The following ANKRD44 variants were observed in gnomAD, a reference collection of about 807,000 sequenced individuals.
The protein encoded by ANKRD44 is ankyrin repeat domain 44, also known as serine/threonine-protein phosphatase 6 regulatory ankyrin repeat subunit B.
ANKRD44 carries 35 observed loss-of-function variants against 116.0 expected under a neutral mutation model. The ratio of observed to expected loss-of-function variants is 0.30; its 90% CI spans 0.23 to 0.40. The LOEUF (loss-of-function observed/expected upper bound fraction) is 0.40. Among genes scored for constraint, ANKRD44 ranks in the 10% least tolerant of loss-of-function variants. The pLI is 1.00. For synonymous variants in ANKRD44, 435 were observed against 461.8 expected (o/e 0.94, Z 0.74); for missense variants, 1,014 against 1,242.6 (o/e 0.82, Z 2.77).
intron 1 of ANKRD44, among the ~76,000 whole-genome samples, chr2:197,298,942 A>T (rs140647612): frequency 7.7e-4 from 117 of 152,184 alleles, no homozygotes; most frequent in African/African-American, 2.7e-3. Flanking sequence ...AGAGAGAGAA[A>T]ATGCTAGAGT....
intron 1 of ANKRD44, among the ~76,000 whole-genome samples, chr2:197,238,768 G>C (rs1239229535): frequency 6.6e-6 from 1 of 151,558 alleles, no homozygotes; most frequent in Admixed American, 6.6e-5. Flanking sequence ...GCAGTGGTAC[G>C]ATCTCAGCTC....
intron 25 of ANKRD44, among the ~76,000 whole-genome samples, chr2:196,997,556 T>A (rs1002166594): frequency 4.6e-5 from 7 of 151,572 alleles, no homozygotes; most frequent in African/African-American, 1.7e-4. Flanking sequence ...TTCAAACGAT[T>A]CTCCTGGCTC....
At chr2:197,211,484 A>G (rs560768965) in intron 1 of ANKRD44, among the ~76,000 whole-genome samples, 17 of 152,328 alleles carry the variant, frequency 1.1e-4, no homozygotes, top group South Asian at 8.3e-4. Flanking sequence ...CTTTCCCTAC[A>G]TGTCTGCCTG....
At chr2:197,142,024 G>A (rs1398091491) in intron 3 of ANKRD44, among the ~76,000 whole-genome samples, 2 of 152,206 alleles carry the variant, frequency 1.3e-5, no homozygotes, top group Non-Finnish European at 2.9e-5. Context: ...AAATGCTTTT[G>A]TACCCAAGGA....
At chr2:197,220,640 G>T (rs1480275133) in intron 1 of ANKRD44, among the ~76,000 whole-genome samples, 1 of 151,916 alleles carries the variant, frequency 6.6e-6, no homozygotes, top group Non-Finnish European at 1.5e-5. Context: ...TATATTTCTG[G>T]GGGAAAAAAA....
chr2:196,988,967 T>A lies in ANKRD44; in HGVS notation c.*624A>T. The A allele has an allele frequency of 1.0e-6, 1 of 985,454 alleles. No individual in the cohort carries two copies. The highest frequency in any genetic ancestry group is 1.2e-6 in the Non-Finnish European group (1 of 829,956). 61.0% of individuals were successfully genotyped at this position (985,454 alleles called of 1,614,324 possible). The stretch of plus-strand genomic sequence containing the variant: ...GCAGAAGGGCATCCAGACTGCAATG[T>A]CTTCTAAGCTCTAAGCTGGCTACAG... On this transcript the variant is annotated 3_prime_UTR_variant, in exon 28 of 28. Transcript: ENST00000282272.
chr2:196,988,809 C>A lies in ANKRD44; in HGVS notation c.*782G>T. ...TTATTTCTCCTTTTGGCACATGTGCCCACACACTGCCATCATTTCTCATCA... is the reference window on the plus strand; with the variant it reads ...TTATTTCTCCTTTTGGCACATGTGCACACACACTGCCATCATTTCTCATCA... On this transcript the variant is annotated 3_prime_UTR_variant, in exon 28 of 28. Coordinates refer to ENST00000282272, the MANE Select transcript of ANKRD44 (RefSeq NM_001195144.2). 1.0e-6 allele frequency: 1 copy of A among 985,340 alleles called. No individual in the cohort carries two copies. Among genetic ancestry groups the A allele is most frequent in the Non-Finnish European group, 1.2e-6 (1 of 829,928 alleles). 61.0% of individuals were successfully genotyped at this position (985,340 alleles called of 1,614,324 possible). A position where few individuals can be genotyped will look rare whatever the true frequency, so the allele number is the denominator to read the frequency against.
At chr2:197,301,790 G>T (rs1024930882) in intron 1 of ANKRD44, among the ~76,000 whole-genome samples, 5 of 152,214 alleles carry the variant, frequency 3.3e-5, no homozygotes, top group African/African-American at 9.7e-5. Context: ...AGACACAGCA[G>T]TGAATGAACC....
At chr2:197,089,231 T>C (rs1328003441) in intron 11 of ANKRD44, among the ~76,000 whole-genome samples, 1 of 151,980 alleles carries the variant, frequency 6.6e-6, no homozygotes, top group Non-Finnish European at 1.5e-5. Context: ...TTTTTAAACA[T>C]GCCAACAGCA....
intron 23 of ANKRD44, among the ~76,000 whole-genome samples, chr2:197,000,165 G>T (rs1208917631): frequency 6.6e-6 from 1 of 152,060 alleles, no homozygotes; most frequent in Non-Finnish European, 1.5e-5. Context: ...ATATATGTTT[G>T]TAGATATGCA....
rs10547024 is a variant in ANKRD44, at chr2:197,284,503, AACACACAC to A, written c.27+26067_27+26074del. 4.1e-4 allele frequency among the ~76,000 whole-genome samples: 56 copies of A among 137,864 alleles called. 1 individual carries two copies. The highest frequency in any genetic ancestry group is 7.4e-4 in the African/African-American group (29 of 39,016). 90.4% of individuals were successfully genotyped at this position (137,864 alleles called of 152,430 possible). A position where few individuals can be genotyped will look rare whatever the true frequency, so the allele number is the denominator to read the frequency against. ...AAGAACTCACGGCAACAGAGAGTCA[AACACACAC>A]ACACACACACACACACACACACACA... On this transcript the variant is annotated intron_variant, in intron 1 of 27. Coordinates refer to ENST00000282272, the MANE Select transcript of ANKRD44 (RefSeq NM_001195144.2).
chr2:197,304,501 T>C (rs1179484956), intron 1 of ANKRD44, among the ~76,000 whole-genome samples: 1 of 152,150 alleles, frequency 6.6e-6, no homozygotes, highest in East Asian at 1.9e-4. Flanking sequence ...ACACCCTTCA[T>C]AGGCACATTT....
intron 10 of ANKRD44, among the ~76,000 whole-genome samples, chr2:197,094,701 G>A (rs1238395871): frequency 6.6e-6 from 1 of 152,126 alleles, no homozygotes; most frequent in Non-Finnish European, 1.5e-5. Context: ...ATTTAGAATA[G>A]GATGATTTTA....
chr2:197,097,753 C>A (rs568527579), intron 10 of ANKRD44, among the ~76,000 whole-genome samples: 1 of 152,152 alleles, frequency 6.6e-6, no homozygotes, highest in Admixed American at 6.5e-5. Flanking sequence ...GCTATCAGAG[C>A]GAACTTTCTT....
Position 196,988,916 on chromosome 2 carries a change from C to CCA in ANKRD44, c.*673_*674dup, listed in dbSNP as rs1166707409. 1 of 985,414 alleles carries CCA rather than the reference C, an allele frequency of 1.0e-6. No homozygotes were observed. 61.0% of individuals were successfully genotyped at this position (985,414 alleles called of 1,614,324 possible). On this transcript the variant is annotated 3_prime_UTR_variant, in exon 28 of 28. Coordinates refer to ENST00000282272, the MANE Select transcript of ANKRD44 (RefSeq NM_001195144.2). ...TTTGTGCTGCCTTTGTGTATATGATCCACTACACATCTGAGTTTTCATCTC... is the reference window on the plus strand; with the variant it reads ...TTTGTGCTGCCTTTGTGTATATGATCCACACTACACATCTGAGTTTTCATCTC...
At chr2:197,067,282 T>G (rs2077455137) in intron 16 of ANKRD44, among the ~76,000 whole-genome samples, 1 of 151,994 alleles carries the variant, frequency 6.6e-6, no homozygotes, top group Non-Finnish European at 1.5e-5. Context: ...CAAAAATTAA[T>G]TCAAGATGGA....
In ANKRD44 at chr2:197,083,351, G is replaced by A; in HGVS notation, c.1457+18C>T. The A allele has an allele frequency of 6.2e-7, 1 of 1,607,552 alleles. No individual in the cohort carries two copies. The highest frequency in any genetic ancestry group is 1.1e-5 in the South Asian group (1 of 89,886). On this transcript the variant is annotated intron_variant, in intron 14 of 27. Coordinates refer to ENST00000282272, the MANE Select transcript of ANKRD44 (RefSeq NM_001195144.2). ...CCAACCCTGTTCCCAGAGGAAGCAT[G>A]AGCAAGGCTGTTTTTACTTTCTATC...
chr2:197,119,616 C>T (rs2078804837), intron 8 of ANKRD44, among the ~76,000 whole-genome samples: 1 of 152,090 alleles, frequency 6.6e-6, no homozygotes, highest in Non-Finnish European at 1.5e-5. Flanking sequence ...TCTTTCACCA[C>T]TATTAGAAAT....
chr2:197,029,569 A>C, intron 16 of ANKRD44: 1 of 471,082 alleles, frequency 2.1e-6, no homozygotes, highest in Non-Finnish European at 4.2e-6. Flanking sequence ...GCCCACCAAG[A>C]GCAAGTTTCA....
Sources: gnomAD v4.1 joint callset for allele counts (sites outside exome capture counted in the v4.1 genomes callset) on GRCh38, gnomAD v4.1.1 for gene constraint, MANE v1.5 for transcripts, NCBI Gene and HGNC (gene_info 2026-07-23, HGNC 2026-07-21) for gene names.